The following ARID1B variants were observed in gnomAD, a reference collection of about 807,000 sequenced individuals.
The protein encoded by ARID1B is AT-rich interaction domain 1B.
ARID1B carries 30 observed loss-of-function variants against 212.3 expected under a neutral mutation model. That is an observed-to-expected ratio of 0.14 (90% CI 0.11 to 0.19). The LOEUF is 0.19. Ranked by LOEUF, ARID1B falls within the 10% of genes least tolerant of loss-of-function variation. ARID1B has a pLI of 1.00. For synonymous variants in ARID1B, 1,402 were observed against 1,301.7 expected (o/e 1.08, Z -1.66); for missense variants, 2,891 against 3,204.0 (o/e 0.90, Z 2.36).
At chr6:156,780,569 C>G (rs1409272043) in intron 1 of ARID1B, 3 of 152,218 alleles carry the variant, frequency 2.0e-5, no homozygotes, top group Non-Finnish European at 4.4e-5. Context: ...GCTCCCCTCT[C>G]ACCATTGGGC....
At chr6:156,907,902 T>TCCC (rs1789535851) in intron 3 of ARID1B, among the ~76,000 whole-genome samples, 1 of 134,910 alleles carries the variant, frequency 7.4e-6, no homozygotes, top group African/African-American at 3.0e-5. Flanking sequence ...AGCAAGACTG[T>TCCC]CTCAAAAAAA....
At chr6:157,170,074 A>G (rs1453394032) in intron 9 of ARID1B, 1 of 152,176 alleles carries the variant, frequency 6.6e-6, no homozygotes, top group Non-Finnish European at 1.5e-5. Context: ...GCTTGTTAAA[A>G]CTACCGATTC....
intron 4 of ARID1B, among the ~76,000 whole-genome samples, chr6:157,017,638 T>C (rs1245950665): frequency 6.6e-6 from 1 of 152,222 alleles, no homozygotes; most frequent in African/African-American, 2.4e-5. Flanking sequence ...AGGTAATTGC[T>C]TTTTAACCTT....
At chr6:156,954,359 C>T (rs1443782303) in intron 4 of ARID1B, among the ~76,000 whole-genome samples, 1 of 152,072 alleles carries the variant, frequency 6.6e-6, no homozygotes, top group Non-Finnish European at 1.5e-5. Flanking sequence ...TTTGAAAATG[C>T]TTTAGTTGAT....
chr6:156,922,302 A>G (rs1421650756), intron 3 of ARID1B, among the ~76,000 whole-genome samples: 1 of 151,422 alleles, frequency 6.6e-6, no homozygotes, highest in Non-Finnish European at 1.5e-5. Flanking sequence ...CCTCCCAAGT[A>G]GCTGGGGTTA....
chr6:157,021,267 G>A (rs1298768559), intron 4 of ARID1B, among the ~76,000 whole-genome samples: 2 of 152,248 alleles, frequency 1.3e-5, no homozygotes, highest in Non-Finnish European at 2.9e-5. Flanking sequence ...GGTACAGCGG[G>A]GAGACTCGCC....
At chr6:157,121,138 C>T (rs553383899) in intron 6 of ARID1B, among the ~76,000 whole-genome samples, 81 of 152,292 alleles carry the variant, frequency 5.3e-4, no homozygotes, top group Non-Finnish European at 1.0e-3. Flanking sequence ...AGTTTTATTT[C>T]CCCAAATTTC....
intron 5 of ARID1B, among the ~76,000 whole-genome samples, chr6:157,109,547 C>G (rs1308988958): frequency 6.6e-6 from 1 of 152,196 alleles, no homozygotes; most frequent in Non-Finnish European, 1.5e-5. Flanking sequence ...CTAAATTCAG[C>G]TGCTTTTTAA....
chr6:157,022,551 A>G (rs552645236), intron 4 of ARID1B: 11 of 152,346 alleles, frequency 7.2e-5, no homozygotes, highest in African/African-American at 2.6e-4. Context: ...GCAATCTGCA[A>G]TCTAGGAACA....
intron 3 of ARID1B, among the ~76,000 whole-genome samples, chr6:156,923,868 C>T (rs1262043340): frequency 3.3e-5 from 5 of 152,042 alleles, no homozygotes; most frequent in Admixed American, 2.6e-4. Context: ...CCACCATGCC[C>T]AGCTAATTTT....
chr6:157,076,665 C>T (rs1784332573), intron 4 of ARID1B, among the ~76,000 whole-genome samples: 1 of 151,858 alleles, frequency 6.6e-6, no homozygotes, highest in African/African-American at 2.4e-5. Context: ...GTATTGATGG[C>T]TTTTCTGTCC....
At position 157,200,899 on chromosome 6, in the gene ARID1B, G is replaced by C. The variant is rs566865279; in HGVS notation, c.4674G>C (p.Pro1558=). ...YPYSRERMQG[P]GQIQTHGIPP... ...ACAGCAGGGAGAGGATGCAGGGCCC[G>C]GGGCAGATCCAGACACACGGAATCC... The change falls in exon 18 of 20, where the codon CCG becomes CCC. Residue 1558 remains proline, a synonymous_variant. Transcript: ENST00000636930. This position sits in a 1 kb window ranked among gnomAD's most constrained non-coding sequence, Gnocchi z 4.3. The C allele has an allele frequency of 5.6e-6, 9 of 1,613,692 alleles. No homozygotes were observed. In the Admixed American group the frequency reaches 6.7e-5, roughly 12 times the overall value.
chr6:157,063,356 C>G (rs1456159928), intron 4 of ARID1B, among the ~76,000 whole-genome samples: 1 of 152,140 alleles, frequency 6.6e-6, no homozygotes, highest in African/African-American at 2.4e-5. Flanking sequence ...CAGGTGCTCT[C>G]ATGCCCCTTT....
intron 6 of ARID1B, among the ~76,000 whole-genome samples, chr6:157,124,063 T>C (rs1787967759): frequency 6.6e-6 from 1 of 152,236 alleles, no homozygotes; most frequent in Non-Finnish European, 1.5e-5. Context: ...AGTAGACTCG[T>C]TTTTCTTCCT....
chr6:157,033,841 G>A (rs562583655), intron 4 of ARID1B, among the ~76,000 whole-genome samples: 3 of 152,284 alleles, frequency 2.0e-5, no homozygotes, highest in Non-Finnish European at 2.9e-5. Flanking sequence ...AATGGAAAGG[G>A]CCTTGTCTTT....
chr6:156,788,136 C>G lies in ARID1B; in HGVS notation c.1791+8665C>G, dbSNP rs1453809610. Among the ~76,000 whole-genome samples the G allele has an allele frequency of 3.9e-5, 6 of 152,110 alleles. No homozygotes were observed. In the South Asian group the frequency reaches 1.2e-3, roughly 32 times the overall value. ...CAATTAGGTGATGCTCAGCCCCTCC[C>G]AGCTCCAAAAATCTGTGCTGCTTTG... On this transcript the variant is annotated intron_variant, in intron 1 of 19. Coordinates refer to ENST00000636930, the MANE Select transcript of ARID1B (RefSeq NM_001374828.1).
intron 4 of ARID1B, among the ~76,000 whole-genome samples, chr6:156,988,469 A>G (rs1421000079): frequency 6.6e-6 from 1 of 152,160 alleles, no homozygotes; most frequent in African/African-American, 2.4e-5. Context: ...TAGTGCATCC[A>G]TGGAGTCCTT....
At chr6:156,994,371 T>C (rs1291125837) in intron 4 of ARID1B, among the ~76,000 whole-genome samples, 1 of 152,142 alleles carries the variant, frequency 6.6e-6, no homozygotes, top group Non-Finnish European at 1.5e-5. Context: ...GCTTCCAGCA[T>C]ACTCTCTCAG....
At chr6:157,121,845 T>C (rs1787745666) in intron 6 of ARID1B, among the ~76,000 whole-genome samples, 1 of 152,160 alleles carries the variant, frequency 6.6e-6, no homozygotes, top group South Asian at 2.1e-4. Context: ...TTGGCCAGGC[T>C]GGTCTTGAAC....
Sources: gnomAD v4.1 joint callset for allele counts (sites outside exome capture counted in the v4.1 genomes callset) on GRCh38, gnomAD v4.1.1 for gene constraint, Gnocchi (gnomAD v3.1) non-coding constraint, MANE v1.5 for transcripts, NCBI Gene and HGNC (gene_info 2026-07-23, HGNC 2026-07-21) for gene names.